The following NAV3 variants were observed in gnomAD, a reference collection of about 807,000 sequenced individuals.
NAV3 encodes neuron navigator 3.
Under a neutral mutation model 244.7 loss-of-function variants are expected in NAV3, and 87 were observed. The ratio of observed to expected loss-of-function variants is 0.36; its 90% confidence interval spans 0.30 to 0.42. NAV3 has a LOEUF of 0.42. Among genes scored for constraint, NAV3 ranks in the 20% least tolerant of loss-of-function variants. The pLI, the probability that NAV3 is intolerant of heterozygous loss-of-function variation, is 1.00. For missense variants in NAV3, 2,663 were observed against 2,893.3 expected, an observed-to-expected ratio of 0.92 and a Z score of 1.83; for synonymous variants, 1,126 against 1,042.2, an observed-to-expected ratio of 1.08 and a Z score of -1.55.
intron 2 of NAV3, among the ~76,000 whole-genome samples, chr12:77,733,152 G>A (rs1449671426): frequency 6.6e-6 from 1 of 151,968 alleles, no homozygotes; most frequent in Non-Finnish European, 1.5e-5. Flanking sequence ...GAACATTTAT[G>A]AGACTGGCAT....
chr12:77,727,619 T>C (rs1272949286), intron 2 of NAV3, among the ~76,000 whole-genome samples: 1 of 151,966 alleles, frequency 6.6e-6, no homozygotes, highest in Non-Finnish European at 1.5e-5. Context: ...AGCTGCACAT[T>C]GTTCAGTAGA....
chr12:78,028,901 C>G (rs1037487033), intron 9 of NAV3, among the ~76,000 whole-genome samples: 1 of 152,000 alleles, frequency 6.6e-6, no homozygotes, highest in East Asian at 1.9e-4. Context: ...ATCCTTCAAT[C>G]GAAAAAGAAT....
intron 12 of NAV3, among the ~76,000 whole-genome samples, chr12:78,078,315 A>G (rs1953157989): frequency 6.7e-6 from 1 of 148,664 alleles, no homozygotes; most frequent in African/African-American, 2.5e-5. Context: ...GCTCTACATC[A>G]GACCTAATTT....
At chr12:78,119,144 TA>T in intron 14 of NAV3, 92 bp from the exon 15 acceptor site, 1 of 1,193,002 alleles carries the variant, frequency 8.4e-7, no homozygotes, top group Non-Finnish European at 1.2e-6. Flanking sequence ...GGAAATAATA[TA>T]AAGAAGCATT....
chr12:77,950,159 A>G (rs756645999), intron 3 of NAV3, among the ~76,000 whole-genome samples: 2 of 151,976 alleles, frequency 1.3e-5, no homozygotes, highest in Admixed American at 6.6e-5. Flanking sequence ...TAAGTTTTCA[A>G]CTCCTTTGGG....
Position 77,831,423 on chromosome 12 carries a change from C to A in NAV3, c.-39C>A. Reference sequence around the variant, plus strand: ...GAGTCTACCAGACTGAGGTTAGAAGCATTTTCTTTGGCAGCAAGAAGATAA... The same window carrying A: ...GAGTCTACCAGACTGAGGTTAGAAGAATTTTCTTTGGCAGCAAGAAGATAA... On this transcript the variant is annotated 5_prime_UTR_variant, in exon 1 of 40. Coordinates refer to ENST00000397909, the MANE Select transcript of NAV3 (RefSeq NM_001024383.2). 6.4e-7 allele frequency: 1 copy of A among 1,551,070 alleles called. No individual in the cohort carries two copies. Among genetic ancestry groups the A allele is most frequent in the Non-Finnish European group, 8.7e-7 (1 of 1,152,528 alleles).
rs1224896465 is a variant in NAV3, at chr12:77,694,475, T to A, written c.72+122209T>A. 4.1e-3 allele frequency among the ~76,000 whole-genome samples: 549 copies of A among 134,386 alleles called. 4 individuals are homozygous for A. Among genetic ancestry groups the A allele is most frequent in the African/African-American group, 0.014 (512 of 36,246 alleles). 88.2% of individuals were successfully genotyped at this position (134,386 alleles called of 152,430 possible). ...GCTACAGAGCAAACTCCATCTCAAT[T>A]AAAAAAAAAAAAAAAGGCAGTCTCT... On this transcript the variant is annotated intron_variant, in intron 2 of 8. Coordinates refer to the NAV3 transcript ENST00000550042.
intron 24 of NAV3, among the ~76,000 whole-genome samples, chr12:78,169,323 T>C (rs949167730): frequency 2.0e-5 from 3 of 151,704 alleles, no homozygotes; most frequent in African/African-American, 7.3e-5. Context: ...ATGGAGGCTA[T>C]AAAAAGGTAC....
At chr12:78,048,117 CT>C (rs141514050) in intron 9 of NAV3, among the ~76,000 whole-genome samples, 1 of 152,038 alleles carries the variant, frequency 6.6e-6, no homozygotes, top group African/African-American at 2.4e-5. Flanking sequence ...TTCCTCTAAC[CT>C]TTTTTCAAGG....
chr12:77,984,165 A>C (rs1870058890), intron 5 of NAV3, among the ~76,000 whole-genome samples: 2 of 152,198 alleles, frequency 1.3e-5, no homozygotes, highest in Non-Finnish European at 2.9e-5. Context: ...GGGAAACAAG[A>C]ATAATGAATA....
chr12:77,957,581 A>G (rs1891481128), intron 3 of NAV3, among the ~76,000 whole-genome samples: 1 of 152,272 alleles, frequency 6.6e-6, no homozygotes, highest in African/African-American at 2.4e-5. Context: ...ACACAGCTTA[A>G]AATGTATGAG....
chr12:78,073,485 C>A (rs300426), intron 12 of NAV3, among the ~76,000 whole-genome samples: 2 of 151,990 alleles, frequency 1.3e-5, no homozygotes, highest in Non-Finnish European at 2.9e-5. Context: ...TAACAAGGGA[C>A]GTGAAGGACC....
chr12:77,744,251 G>C (rs570223831), intron 2 of NAV3, among the ~76,000 whole-genome samples: 1 of 151,924 alleles, frequency 6.6e-6, no homozygotes, highest in Non-Finnish European at 1.5e-5. Context: ...CAGAGAATGC[G>C]GAAGTAGACC....
chr12:77,849,464 A>G (rs1340241569), intron 1 of NAV3, among the ~76,000 whole-genome samples: 7 of 152,168 alleles, frequency 4.6e-5, no homozygotes, highest in Admixed American at 4.6e-4. Flanking sequence ...GGGTGCCAAC[A>G]TGACACCACA....
chr12:77,686,977 C>CT (rs1874783272), intron 2 of NAV3, among the ~76,000 whole-genome samples: 1 of 151,802 alleles, frequency 6.6e-6, no homozygotes, highest in African/African-American at 2.4e-5. Context: ...TCGGTGGGGT[C>CT]TTTTTTCCAT....
intron 34 of NAV3, among the ~76,000 whole-genome samples, chr12:78,190,685 T>C (rs1053987693): frequency 9.2e-5 from 14 of 152,066 alleles, no homozygotes; most frequent in African/African-American, 3.4e-4. Flanking sequence ...AAGCAGATAT[T>C]CTGGGAGCAG....
In NAV3 at chr12:77,904,765, C is replaced by T. The variant is rs1053604711; in HGVS notation, c.244-35554C>T. 2.0e-5 allele frequency among the ~76,000 whole-genome samples: 3 copies of T among 152,172 alleles called. No homozygotes were observed. In the East Asian group the frequency reaches 5.8e-4, roughly 29 times the overall value. On this transcript the variant is annotated intron_variant, in intron 1 of 39. Coordinates refer to ENST00000397909, the MANE Select transcript of NAV3 (RefSeq NM_001024383.2). ...ATTAAATTTACTTCAGAACTACTGC[C>T]AGATTCACTTTAATTCTATCCTATC...
chr12:77,758,006 T>C (rs1424028118), intron 2 of NAV3, among the ~76,000 whole-genome samples: 1 of 152,218 alleles, frequency 6.6e-6, no homozygotes, highest in Non-Finnish European at 1.5e-5. Context: ...CTTACTTTGC[T>C]TCAACTACCT....
rs544088880 is a variant in NAV3 at position 78,025,037 on chromosome 12, G to A, written c.2023+3175G>A. On this transcript the variant is annotated intron_variant, in intron 9 of 39. Coordinates refer to ENST00000397909, the MANE Select transcript of NAV3 (RefSeq NM_001024383.2). Reference sequence around the variant, plus strand: ...GACCCCAAATTTGTCCTCAAGTACTGTTGTGATTTATCTCCTTCTCTTATG... The same window carrying A: ...GACCCCAAATTTGTCCTCAAGTACTATTGTGATTTATCTCCTTCTCTTATG... Among the ~76,000 whole-genome samples the A allele has an allele frequency of 3.4e-4, 51 of 151,924 alleles. No homozygotes were observed. In the South Asian group the frequency reaches 0.01, roughly 30 times the overall value.
Sources: gnomAD v4.1 joint callset for allele counts (sites outside exome capture counted in the v4.1 genomes callset) on GRCh38, gnomAD v4.1.1 for gene constraint, MANE v1.5 for transcripts, NCBI Gene and HGNC (gene_info 2026-07-23, HGNC 2026-07-21) for gene names.